Variants in FANCA observed in about 807,000 individuals in gnomAD.
FANCA encodes FA complementation group A.
Under a neutral mutation model 194.3 loss-of-function variants are expected in FANCA, and 236 were observed. The ratio of observed to expected loss-of-function variants is 1.21; its 90% confidence interval spans 1.09 to 1.35. The LOEUF is 1.35. FANCA is among the 40% of genes most tolerant of loss of function. The probability of loss-of-function intolerance (pLI) is 0.00; values close to 1 mark genes in which losing one functional copy is unlikely to be tolerated. For missense variants in FANCA, 2,628 were observed against 1,813.9 expected (o/e 1.45, Z -8.15); for synonymous variants, 1,014 against 715.8 (o/e 1.42, Z -6.65).
rs2143460505 is a variant in FANCA, at chr16:89,783,022, C to T, written c.1551G>A (p.Arg517=). 5.0e-6 allele frequency: 8 copies of T among 1,614,000 alleles called. No homozygotes were observed. Among genetic ancestry groups the T allele is most frequent in the Non-Finnish European group, 6.8e-6 (8 of 1,179,890 alleles). The change falls in exon 16 of 43, where the codon CGG becomes CGA. Residue 517 remains arginine, a synonymous_variant. Transcript: ENST00000389301. ...GACAGCTTGCCTTGAGGTCGGCCAGCCGTGTCTTGGCCAATGAGATGTAGT... is the reference window on the plus strand; with the variant it reads ...GACAGCTTGCCTTGAGGTCGGCCAGTCGTGTCTTGGCCAATGAGATGTAGT... ...LTDYISLAKT[R]LADLKVSIEN...
rs1023324062 is a variant in FANCA at position 89,738,299 on chromosome 16, G to A, written c.*302C>T. 9 of 1,537,728 alleles carry A rather than the reference G, an allele frequency of 5.9e-6. No individual in the cohort carries two copies. The highest frequency in any genetic ancestry group is 1.4e-5 in the African/African-American group (1 of 72,920). On this transcript the variant is annotated 3_prime_UTR_variant, in exon 43 of 43. Coordinates refer to ENST00000389301, the MANE Select transcript of FANCA (RefSeq NM_000135.4). ...GCAGCCTGGACTCCGCAGTGGCTGTGTCAGCCTCACCCTTCGTGTGCACCC... is the reference window on the plus strand; with the variant it reads ...GCAGCCTGGACTCCGCAGTGGCTGTATCAGCCTCACCCTTCGTGTGCACCC...
chr16:89,753,844 C>A (rs1463714829), intron 30 of FANCA, among the ~76,000 whole-genome samples: 1 of 152,134 alleles, frequency 6.6e-6, no homozygotes, highest in Admixed American at 6.6e-5. Context: ...CATCTGAGGT[C>A]AGGAGATCGA....
At chr16:89,745,814 T>C (rs1026585696) in intron 35 of FANCA, among the ~76,000 whole-genome samples, 1 of 151,808 alleles carries the variant, frequency 6.6e-6, no homozygotes. Flanking sequence ...AACGAAACAG[T>C]GAAGAGACCA....
intron 20 of FANCA, among the ~76,000 whole-genome samples, 174 bp downstream of exon 20, chr16:89,778,627 T>TAAAAAAA (rs397693835): frequency 1.0e-4 from 3 of 29,932 alleles, no homozygotes; most frequent in African/African-American, 2.7e-4. Flanking sequence ...AGACTCCAAC[T>TAAAAAAA]AAAAAAAAAA....
chr16:89,813,071 C>G (rs2040963364), intron 3 of FANCA, among the ~76,000 whole-genome samples: 1 of 150,634 alleles, frequency 6.6e-6, no homozygotes, highest in Non-Finnish European at 1.5e-5. Flanking sequence ...GTTCTAGAAG[C>G]TTAAAATTAT....
At position 89,802,707 on chromosome 16, in the gene FANCA, A is replaced by G. The variant is rs537435409; in HGVS notation, c.792+552T>C. ...CATGAGCCACCATGCCCGGCCAGCT[A>G]TTCTTTTTTTTTAAAGTGAAATCCT... On this transcript the variant is annotated intron_variant, in intron 8 of 42. Coordinates refer to ENST00000389301, the MANE Select transcript of FANCA (RefSeq NM_000135.4). 9.5e-4 allele frequency among the ~76,000 whole-genome samples: 144 copies of G among 152,150 alleles called. 2 individuals carry two copies. In the Middle Eastern group the frequency reaches 0.017, roughly 18 times the overall value.
In FANCA at chr16:89,771,670, A is replaced by G. The variant is rs1800340; in HGVS notation, c.2151+8T>C. 0.37 allele frequency: 596,810 copies of G among 1,613,336 alleles called. 121,852 individuals carry two copies. The highest frequency in any genetic ancestry group is 0.81 in the East Asian group (36,315 of 44,848). On this transcript the variant is annotated splice_region_variant and intron_variant, in intron 23 of 42. Transcript: ENST00000389301. ...ACCCCCTGCTTTGTTCTGAGCCCCT[A>G]CACCTACCATGTGTTCCCGTGGCTC...
At chr16:89,813,356 C>T (rs1041397140) in intron 3 of FANCA, among the ~76,000 whole-genome samples, 7 of 150,686 alleles carry the variant, frequency 4.6e-5, no homozygotes, top group South Asian at 2.1e-4. Context: ...TGCAGTGAGC[C>T]GTGATTGCAC....
intron 29 of FANCA, 32 bp from the exon 30 acceptor site, chr16:89,758,737 G>T (rs377687813): frequency 6.2e-7 from 1 of 1,611,176 alleles, no homozygotes; most frequent in African/African-American, 1.3e-5. Context: ...TCAATTCTGA[G>T]AAATGCTTCG....
intron 29 of FANCA, 28 bp downstream of exon 29, chr16:89,761,921 G>A (rs760624864): frequency 1.0e-5 from 16 of 1,589,550 alleles, no homozygotes; most frequent in Non-Finnish European, 1.1e-5. Flanking sequence ...CATCATGCCT[G>A]GCCAGGGTAG....
At chr16:89,798,426 C>T (rs974208882) in intron 10 of FANCA, 7 of 1,080,442 alleles carry the variant, frequency 6.5e-6, no homozygotes, top group South Asian at 4.0e-5. Context: ...TTTAATTGAG[C>T]AGTTAAACAG....
chr16:89,803,621 TTTC>T (rs1247034065), intron 7 of FANCA, among the ~76,000 whole-genome samples: 2 of 137,736 alleles, frequency 1.5e-5, no homozygotes, highest in African/African-American at 6.0e-5. Context: ...GTCAGATTTT[TTTC>T]TTTTTTTTTT....
In FANCA at chr16:89,814,620, T is replaced by A. The variant is rs994179410; in HGVS notation, c.190-7A>T. ...TACACAGTGGACCTTCTACCTAGAATCCAAAACACAACAAACTCCATTTAA... is the reference window on the plus strand; with the variant it reads ...TACACAGTGGACCTTCTACCTAGAAACCAAAACACAACAAACTCCATTTAA... On this transcript the variant is annotated splice_polypyrimidine_tract_variant and splice_region_variant and intron_variant, in intron 2 of 42. Transcript: ENST00000389301. 1 of 1,604,944 alleles carries A rather than the reference T, an allele frequency of 6.2e-7. No individual in the cohort carries two copies. Among genetic ancestry groups the A allele is most frequent in the Non-Finnish European group, 8.5e-7 (1 of 1,171,858 alleles).
chr16:89,793,996 C>T (rs1460891227), intron 11 of FANCA, among the ~76,000 whole-genome samples: 1 of 152,020 alleles, frequency 6.6e-6, no homozygotes, highest in South Asian at 2.1e-4. Context: ...GTGACCTGCC[C>T]GTCTCAGCCT....
chr16:89,778,883 A>T (rs2039607808), intron 19 of FANCA, 33 bp from the exon 20 acceptor site: 1 of 1,613,826 alleles, frequency 6.2e-7, no homozygotes, highest in East Asian at 2.2e-5. Flanking sequence ...TGAGAGACTG[A>T]CAAGGAAAGT....
chr16:89,784,777 G>C, intron 15 of FANCA, 77 bp downstream of exon 15: 3 of 1,106,076 alleles, frequency 2.7e-6, no homozygotes, highest in South Asian at 1.2e-5. Flanking sequence ...GAGGCTCTTG[G>C]GGAGGCCAAG....
intron 35 of FANCA, 135 bp from the exon 36 acceptor site, chr16:89,745,206 A>G: frequency 1.2e-6 from 1 of 814,314 alleles, no homozygotes; most frequent in Non-Finnish European, 2.0e-6. Context: ...GGAACTCCAA[A>G]GCCAGTATTT....
Position 89,783,064 on chromosome 16 carries a change from G to T in FANCA, c.1509C>A (p.Tyr503Ter). ...AGATGTAGTCTGTGAGGAGGGAGCG[G>T]TACTTGCCGGGAACCAGGGGTGGGT... ...ILHPPLVPGK[Y>*]RSLLTDYISL... The change falls in exon 16 of 43, where the codon TAC becomes TAA. Residue 503 changes from tyrosine (Y) to a stop codon, truncating the protein, a stop_gained. Transcript: ENST00000389301. LOFTEE classifies it high-confidence loss of function. 1 of 1,613,946 alleles carries T rather than the reference G, an allele frequency of 6.2e-7. No homozygotes were observed. Among genetic ancestry groups the T allele is most frequent in the East Asian group, 2.2e-5 (1 of 44,868 alleles).
Position 89,799,678 on chromosome 16 carries a change from C to A in FANCA, c.793-40G>T, listed in dbSNP as rs767454673. 2.6e-6 allele frequency: 4 copies of A among 1,549,592 alleles called. No individual in the cohort carries two copies. The African/African-American group carries it at 5.5e-5, about 21-fold the overall frequency. On this transcript the variant is annotated intron_variant, in intron 8 of 42. Coordinates refer to ENST00000389301, the MANE Select transcript of FANCA (RefSeq NM_000135.4). ...TGTGAGTTACCATCTTGGTAATCTTCTGTAATTTGTGTGATACCTGCATCA... is the reference window on the plus strand; with the variant it reads ...TGTGAGTTACCATCTTGGTAATCTTATGTAATTTGTGTGATACCTGCATCA...
Sources: gnomAD v4.1 joint callset for allele counts (sites outside exome capture counted in the v4.1 genomes callset) on GRCh38, gnomAD v4.1.1 for gene constraint, MANE v1.5 for transcripts, NCBI Gene and HGNC (gene_info 2026-07-23, HGNC 2026-07-21) for gene names.